R3HDM2: variants seen among roughly 807,000 people sequenced by gnomAD.
R3HDM2 encodes the protein R3H domain-containing protein 2.
A neutral mutation model predicts 124.5 loss-of-function variants in R3HDM2; 38 were observed. The observed-to-expected ratio is 0.31, with a 90% CI of 0.24 to 0.40. The LOEUF is 0.40. Among genes scored for constraint, R3HDM2 ranks in the 10% least tolerant of loss-of-function variants. R3HDM2 has a pLI of 1.00. For synonymous variants in R3HDM2, 391 were observed against 448.0 expected (o/e 0.87, Z 1.61); for missense variants, 869 against 1,236.9 (o/e 0.70, Z 4.46).
At chr12:57,375,672 CTGCT>C (rs1410889166) in intron 2 of R3HDM2, among the ~76,000 whole-genome samples, 2 of 138,218 alleles carry the variant, frequency 1.4e-5, no homozygotes, top group African/African-American at 5.2e-5. Flanking sequence ...GTCAGATCAG[CTGCT>C]TTTTTTTTTT....
At chr12:57,258,775 A>G (rs1448293412) in intron 20 of R3HDM2, 115 bp downstream of exon 20, 7 of 1,039,590 alleles carry the variant, frequency 6.7e-6, no homozygotes, top group Non-Finnish European at 9.2e-6. Flanking sequence ...GTTTCTCCCC[A>G]GAAAGTACCC....
At chr12:57,398,235 T>A (rs977262172) in intron 1 of R3HDM2, among the ~76,000 whole-genome samples, 6 of 151,092 alleles carry the variant, frequency 4.0e-5, no homozygotes, top group African/African-American at 9.7e-5. Context: ...GAAAAAGAAA[T>A]ATTTTATTAC....
rs11172182 is a variant in R3HDM2 at position 57,368,587 on chromosome 12, G to A, written c.-36+27162C>T. Among the ~76,000 whole-genome samples, 45 of 152,250 alleles carry A rather than the reference G, an allele frequency of 3.0e-4. 1 individual carries two copies. The East Asian group carries it at 6.7e-3, about 23-fold the overall frequency. ...ATTATATCTATGTGATGGAGCCCCA[G>A]TAAAAATTCACGACATCAAGGCTTA... On this transcript the variant is annotated intron_variant, in intron 2 of 23. Coordinates refer to ENST00000402412, the MANE Select transcript of R3HDM2 (RefSeq NM_001394031.1).
intron 3 of R3HDM2, among the ~76,000 whole-genome samples, chr12:57,303,863 GA>G (rs1446956069): frequency 6.6e-6 from 1 of 152,068 alleles, no homozygotes; most frequent in Non-Finnish European, 1.5e-5. Context: ...TTCACAGACT[GA>G]TAAAAGTTAC....
chr12:57,359,486 TTTGATA>T (rs2061638721), intron 2 of R3HDM2, among the ~76,000 whole-genome samples: 1 of 152,216 alleles, frequency 6.6e-6, no homozygotes, highest in Non-Finnish European at 1.5e-5. Context: ...CGAAATCTAC[TTTGATA>T]TTAATACAGT....
Position 57,284,017 on chromosome 12 carries a change from G to T in R3HDM2, c.978C>A (p.Arg326=). Residue 326 remains arginine, a synonymous_variant, in exon 13 of 24, where the codon CGC becomes CGA. Transcript: ENST00000402412. ...TGAGTTCGCTGTCTGTGCTGCTCTG[G>T]CGGCTGCTTGAGGTGCGGCTCAGTC... ...REGLSRTSSS[R]QSSTDSELKS... 1 of 1,612,666 alleles carries T rather than the reference G, an allele frequency of 6.2e-7. No individual in the cohort carries two copies. Among genetic ancestry groups the T allele is most frequent in the Non-Finnish European group, 8.5e-7 (1 of 1,179,294 alleles).
intron 12 of R3HDM2, among the ~76,000 whole-genome samples, chr12:57,286,389 G>A (rs1473240497): frequency 3.9e-5 from 6 of 152,122 alleles, no homozygotes; most frequent in Non-Finnish European, 8.8e-5. Flanking sequence ...ATGGAGTTTG[G>A]TTTACAGGTA....
chr12:57,291,211 T>C (rs1224351534), intron 11 of R3HDM2, among the ~76,000 whole-genome samples: 1 of 152,130 alleles, frequency 6.6e-6, no homozygotes, highest in Admixed American at 6.6e-5. Flanking sequence ...TACATACAGT[T>C]GTTCAGTTTT....
intron 13 of R3HDM2, among the ~76,000 whole-genome samples, chr12:57,283,005 T>C (rs56383506): frequency 0.063 from 9,531 of 152,238 alleles, 411 homozygotes; most frequent in East Asian, 0.2. Flanking sequence ...TGATGGGTGG[T>C]TACAGAGCTT....
chr12:57,323,470 A>G (rs937769941), intron 2 of R3HDM2, among the ~76,000 whole-genome samples: 1 of 152,242 alleles, frequency 6.6e-6, no homozygotes, highest in African/African-American at 2.4e-5. Context: ...TACTGGGCCA[A>G]TAACAATAAT....
At position 57,258,046 on chromosome 12, in the gene R3HDM2, C is replaced by T; in HGVS notation, c.2393G>A (p.Gly798Glu). The T allele has an allele frequency of 1.2e-6, 2 of 1,600,130 alleles. No individual in the cohort carries two copies. Among genetic ancestry groups the T allele is most frequent in the Non-Finnish European group, 1.7e-6 (2 of 1,170,348 alleles). ...TGTGAGGACAGGCAGGGGACTGAGT[C>T]CTGTGCAGACACTGCTGAGGCTGGT... ...PVTSLSSVCT[G>E]LSPLPVLTQF... Residue 798 changes from glycine to glutamate, a missense_variant, in exon 21 of 24, where the codon GGA becomes GAA. Physicochemically the swap from Gly to Glu is moderately conservative, Grantham distance 98. Around this residue, in one of 2 missense-constraint regions of R3HDM2, gnomAD observed 602 missense variants for 789.2 expected, o/e 0.76. Coordinates refer to ENST00000402412, the MANE Select transcript of R3HDM2 (RefSeq NM_001394031.1).
chr12:57,427,152 G>A (rs1251891964), intron 1 of R3HDM2, among the ~76,000 whole-genome samples: 8 of 151,688 alleles, frequency 5.3e-5, no homozygotes, highest in South Asian at 2.1e-4. Flanking sequence ...TTAGTTGGAC[G>A]TGGTGGCGCG....
At chr12:57,418,072 C>T (rs1387272499) in intron 1 of R3HDM2, 1 of 764,012 alleles carries the variant, frequency 1.3e-6, no homozygotes, top group East Asian at 1.3e-4. Context: ...ATTTAGACAA[C>T]TAGCTGCTAG....
At position 57,296,040 on chromosome 12, in the gene R3HDM2, T is replaced by C. The variant is rs960835895; in HGVS notation, c.701+371A>G. The stretch of plus-strand genomic sequence containing the variant: ...GCCTGCCACCGCGCCCGGCTAATTT[T>C]TGTATTTTTAGTAGAGACGGGGTTT... On this transcript the variant is annotated intron_variant, in intron 9 of 23. Transcript: ENST00000402412. This position sits in a 1 kb window ranked among gnomAD's most constrained non-coding sequence, Gnocchi z 4.5. Among the ~76,000 whole-genome samples the C allele has an allele frequency of 7.2e-5, 11 of 152,148 alleles. No individual in the cohort carries two copies. The highest frequency in any genetic ancestry group is 1.2e-4 in the Non-Finnish European group (8 of 68,022).
At chr12:57,270,986 C>A (rs1208760031) in intron 14 of R3HDM2, among the ~76,000 whole-genome samples, 2 of 152,198 alleles carry the variant, frequency 1.3e-5, no homozygotes, top group Non-Finnish European at 2.9e-5. Context: ...CTTTCCATTT[C>A]CTGTTTTCCT....
chr12:57,298,937 T>C (rs2050488567), intron 6 of R3HDM2, among the ~76,000 whole-genome samples: 1 of 151,944 alleles, frequency 6.6e-6, no homozygotes, highest in Non-Finnish European at 1.5e-5. Flanking sequence ...CACTCCAGCC[T>C]GGGCGACAGA....
intron 2 of R3HDM2, among the ~76,000 whole-genome samples, chr12:57,389,341 C>G (rs2066338945): frequency 6.6e-6 from 1 of 152,242 alleles, no homozygotes; most frequent in South Asian, 2.1e-4. Flanking sequence ...AAATAAAACT[C>G]TACTGGTAAG....
Position 57,311,326 on chromosome 12 carries a change from C to A in R3HDM2, c.-35-863G>T, listed in dbSNP as rs111841135. Among the ~76,000 whole-genome samples the A allele has an allele frequency of 2.6e-3, 400 of 152,000 alleles. 1 individual carries two copies. Among genetic ancestry groups the A allele is most frequent in the African/African-American group, 8.4e-3 (349 of 41,466 alleles). ...CTGTAAGCTCTGCCTCCTGGGTTCA[C>A]ATCATTCTCCTGCCTCAGCCTCCTG... On this transcript the variant is annotated intron_variant, in intron 2 of 23. Coordinates refer to ENST00000402412, the MANE Select transcript of R3HDM2 (RefSeq NM_001394031.1).
intron 2 of R3HDM2, among the ~76,000 whole-genome samples, chr12:57,319,184 T>A (rs1283344790): frequency 6.6e-6 from 1 of 151,978 alleles, no homozygotes; most frequent in Non-Finnish European, 1.5e-5. Context: ...CCTCTCGGGT[T>A]CAAGCAATTT....
Sources: allele counts gnomAD v4.1 joint callset (sites outside exome capture counted in the v4.1 genomes callset), GRCh38; gene constraint gnomAD v4.1.1; regional missense constraint gnomAD v4.1.1; non-coding constraint Gnocchi (gnomAD v3.1); transcripts MANE v1.5; gene names NCBI Gene and HGNC (gene_info 2026-07-23, HGNC 2026-07-21).